The following UBAC2 variants were observed in gnomAD, a reference collection of about 807,000 sequenced individuals.
The protein encoded by UBAC2 is UBA domain containing 2.
Under a neutral mutation model 44.0 loss-of-function variants are expected in UBAC2, and 26 were observed. That is an observed-to-expected ratio of 0.59 (90% CI 0.43 to 0.82). The LOEUF (loss-of-function observed/expected upper bound fraction) is 0.82, where lower values mean the gene tolerates loss of function less well. Ranked by LOEUF, UBAC2 falls within the 40% of genes least tolerant of loss-of-function variation. The probability of loss-of-function intolerance (pLI) is 0.00; values close to 1 mark genes in which losing one functional copy is unlikely to be tolerated. For synonymous variants in UBAC2, 155 were observed against 154.3 expected, an observed-to-expected ratio of 1.00 and a Z score of -0.04; for missense variants, 329 against 419.4, an observed-to-expected ratio of 0.78 and a Z score of 1.88.
intron 7 of UBAC2, 29 bp from the exon 8 acceptor site, chr13:99,367,758 C>CT (rs2045349821): frequency 6.2e-7 from 1 of 1,613,820 alleles, no homozygotes; most frequent in South Asian, 1.1e-5. Context: ...CCTTCTGTGT[C>CT]TGATAACTGT....
intron 4 of UBAC2, among the ~76,000 whole-genome samples, chr13:99,249,120 T>C (rs2043425715): frequency 6.6e-6 from 1 of 152,192 alleles, no homozygotes; most frequent in South Asian, 2.1e-4. Context: ...GATGATCCTG[T>C]CACCCAGGTA....
chr13:99,360,003 G>T (rs1042339552), intron 7 of UBAC2, among the ~76,000 whole-genome samples: 1 of 152,204 alleles, frequency 6.6e-6, no homozygotes, highest in Non-Finnish European at 1.5e-5. Context: ...GTTTCCAATG[G>T]CCAACAGTCT....
intron 1 of UBAC2, among the ~76,000 whole-genome samples, chr13:99,223,092 C>T (rs1041660293): frequency 6.6e-6 from 1 of 152,068 alleles, no homozygotes; most frequent in Non-Finnish European, 1.5e-5. Context: ...AAGGAGTTTG[C>T]CTGTTTCATC....
At chr13:99,303,909 C>T (rs2044292672) in intron 4 of UBAC2, among the ~76,000 whole-genome samples, 1 of 152,184 alleles carries the variant, frequency 6.6e-6, no homozygotes, top group Admixed American at 6.5e-5. Flanking sequence ...TGTTCTCCCT[C>T]ACCTGCTGCC....
intron 4 of UBAC2, among the ~76,000 whole-genome samples, chr13:99,262,710 C>CAAAAAAAAAAAAAAAAAAAAAAAAAAAA (rs61627160): frequency 3.5e-5 from 2 of 57,158 alleles, no homozygotes; most frequent in Non-Finnish European, 6.3e-5. Context: ...AACTCCCTCT[C>CAAAAAAAAAAAAAAAAAAAAAAAAAAAA]AAAAAAAAAA....
chr13:99,279,114 G>A (rs1021532741), intron 4 of UBAC2, among the ~76,000 whole-genome samples: 17 of 151,760 alleles, frequency 1.1e-4, no homozygotes, highest in Non-Finnish European at 2.2e-4. Context: ...CCTCCCTCTC[G>A]GCTTGCCACC....
intron 4 of UBAC2, among the ~76,000 whole-genome samples, chr13:99,251,149 G>A (rs930332956): frequency 6.6e-6 from 1 of 152,096 alleles, no homozygotes; most frequent in African/African-American, 2.4e-5. Context: ...TGTGTGTTGT[G>A]TTCTTGGTTT....
At chr13:99,234,214 ACT>A (rs1203215448) in intron 1 of UBAC2, among the ~76,000 whole-genome samples, 1 of 109,344 alleles carries the variant, frequency 9.1e-6, no homozygotes, top group Non-Finnish European at 1.7e-5. Flanking sequence ...ATGGAGTCTC[ACT>A]CTGTCGCCCA....
chr13:99,330,330 A>G (rs1283988135), intron 6 of UBAC2, among the ~76,000 whole-genome samples: 1 of 151,684 alleles, frequency 6.6e-6, no homozygotes, highest in African/African-American at 2.4e-5. Context: ...TTGGTGGCGG[A>G]TGCCTGTAAT....
rs563143178 is a variant in UBAC2 at position 99,311,906 on chromosome 13, G to A, written c.390-2191G>A. On this transcript the variant is annotated intron_variant, in intron 4 of 8. Coordinates refer to ENST00000403766, the MANE Select transcript of UBAC2 (RefSeq NM_001144072.2). ...ACTGGGCAAGTGGGGGTAGGAACCC[G>A]CTGTGCCGTGCACCTCCGTCTGCCA... Among the ~76,000 whole-genome samples the A allele has an allele frequency of 9.8e-5, 15 of 152,336 alleles. No homozygotes were observed. The East Asian group carries it at 1.7e-3, about 18-fold the overall frequency.
At chr13:99,266,647 A>G (rs1484713389) in intron 4 of UBAC2, among the ~76,000 whole-genome samples, 1 of 152,350 alleles carries the variant, frequency 6.6e-6, no homozygotes, top group African/African-American at 2.4e-5. Context: ...TAAGATATTA[A>G]ACATAAATGT....
chr13:99,378,641 CAT>C (rs1427389190), intron 8 of UBAC2, among the ~76,000 whole-genome samples: 1 of 152,244 alleles, frequency 6.6e-6, no homozygotes, highest in Non-Finnish European at 1.5e-5. Context: ...CCTCATTTGA[CAT>C]GTGGAATCCT....
rs527452560 is a variant in UBAC2, at chr13:99,385,502, T to C, written c.*167T>C. On this transcript the variant is annotated 3_prime_UTR_variant, in exon 9 of 9. Coordinates refer to ENST00000403766, the MANE Select transcript of UBAC2 (RefSeq NM_001144072.2). ...AACCGCAAGACTGTTGCCGTTTTAG[T>C]GTGGAGATAAGTTTGCCATTACATT... 5.2e-5 allele frequency: 30 copies of C among 575,612 alleles called. No individual in the cohort carries two copies. In the South Asian group the frequency reaches 5.7e-4, roughly 11 times the overall value. 35.7% of individuals were successfully genotyped at this position (575,612 alleles called of 1,614,324 possible).
At position 99,224,271 on chromosome 13, in the gene UBAC2, A is replaced by G. The variant is rs142525959; in HGVS notation, c.32-14156A>G. ...GGGTCCCTCCCTTTTCTTAAAAGAC[A>G]TGTCACATTGAATTAGGGCTCCATC... On this transcript the variant is annotated intron_variant, in intron 1 of 8. Coordinates refer to ENST00000403766, the MANE Select transcript of UBAC2 (RefSeq NM_001144072.2). Among the ~76,000 whole-genome samples, 102 of 152,242 alleles carry G rather than the reference A, an allele frequency of 6.7e-4. 1 individual carries two copies. The Middle Eastern group carries it at 0.01, about 15-fold the overall frequency.
At chr13:99,242,528 G>C (rs1594037810) in intron 2 of UBAC2, among the ~76,000 whole-genome samples, 3 of 120,094 alleles carry the variant, frequency 2.5e-5, no homozygotes, top group Admixed American at 8.3e-5. Flanking sequence ...CCTCCCTCCC[G>C]GACGGGGCGG....
intron 4 of UBAC2, among the ~76,000 whole-genome samples, chr13:99,304,232 C>T (rs760307065): frequency 6.6e-6 from 1 of 152,192 alleles, no homozygotes. Flanking sequence ...TCCCTCACAA[C>T]TCTGTGCCCG....
At chr13:99,242,675 CG>C (rs1951298557) in intron 2 of UBAC2, among the ~76,000 whole-genome samples, 6 of 2,908 alleles carry the variant, frequency 2.1e-3, no homozygotes, top group East Asian at 0.013. Flanking sequence ...GCTGGCCGGG[CG>C]GGGGGCTGAC....
chr13:99,318,108 C>G (rs370551534), intron 6 of UBAC2, 39 bp downstream of exon 6: 427 of 1,559,540 alleles, frequency 2.7e-4, no homozygotes, highest in Non-Finnish European at 3.4e-4. Context: ...TTCTCTCTCT[C>G]TCCTGTAAAA....
intron 8 of UBAC2, among the ~76,000 whole-genome samples, chr13:99,384,498 T>C (rs370617291): frequency 1.3e-5 from 2 of 152,320 alleles, no homozygotes; most frequent in East Asian, 3.9e-4. Flanking sequence ...AGAATCAGGA[T>C]TTGTGGTCAA....
Sources: allele counts gnomAD v4.1 joint callset (sites outside exome capture counted in the v4.1 genomes callset), GRCh38; gene constraint gnomAD v4.1.1; transcripts MANE v1.5; gene names NCBI Gene and HGNC (gene_info 2026-07-23, HGNC 2026-07-21).